GIT2: variants seen among roughly 807,000 people sequenced by gnomAD.
The protein encoded by GIT2 is GIT ArfGAP 2.
In GIT2, 32 loss-of-function variants were observed where a neutral mutation model predicts 100.3. That is an observed-to-expected ratio of 0.32 (90% CI 0.24 to 0.43). The LOEUF (loss-of-function observed/expected upper bound fraction) is 0.43, where lower values mean the gene tolerates loss of function less well. Among genes scored for constraint, GIT2 ranks in the 20% least tolerant of loss-of-function variants. The pLI, the probability that GIT2 is intolerant of heterozygous loss-of-function variation, is 1.00. For synonymous variants in GIT2, 353 were observed against 364.1 expected (o/e 0.97, Z 0.35); for missense variants, 737 against 975.1 (o/e 0.76, Z 3.25).
At chr12:109,992,303 C>A (rs1888564358) in intron 1 of GIT2, among the ~76,000 whole-genome samples, 2 of 151,052 alleles carry the variant, frequency 1.3e-5, no homozygotes, top group Non-Finnish European at 3.0e-5. Flanking sequence ...TGCACCACCA[C>A]GCCCGGCTAA....
intron 13 of GIT2, among the ~76,000 whole-genome samples, chr12:109,951,973 G>T (rs527372873): frequency 1.3e-5 from 2 of 152,242 alleles, no homozygotes; most frequent in East Asian, 3.9e-4. Flanking sequence ...CAGGTGTGTG[G>T]GATGGACTGG....
intron 16 of GIT2, chr12:109,939,672 A>AAAAACAAAT (rs1874026143): frequency 4.9e-5 from 7 of 141,904 alleles, no homozygotes; most frequent in South Asian, 2.2e-4. Context: ...GCAACATTTA[A>AAAAACAAAT]AAAATAAATA....
rs1410051641 is a variant in GIT2, at chr12:109,932,872, C to T, written c.*106G>A. ...AGTTTTCTTTTAAAAAGTTTTAAAC[C>T]GTCATTAAATGTTTCTTTTTGTAGA... On this transcript the variant is annotated 3_prime_UTR_variant, in exon 20 of 20. Coordinates refer to ENST00000355312, the MANE Select transcript of GIT2 (RefSeq NM_057169.5). 12 of 706,470 alleles carry T rather than the reference C, an allele frequency of 1.7e-5. No individual in the cohort carries two copies. The highest frequency in any genetic ancestry group is 2.4e-5 in the Admixed American group (1 of 41,516). 43.8% of individuals were successfully genotyped at this position (706,470 alleles called of 1,614,324 possible). A position where few individuals can be genotyped will look rare whatever the true frequency, so the allele number is the denominator to read the frequency against.
intron 1 of GIT2, among the ~76,000 whole-genome samples, chr12:109,993,645 T>C (rs1167710475): frequency 1.3e-5 from 2 of 152,224 alleles, no homozygotes; most frequent in Admixed American, 6.5e-5. Flanking sequence ...CATAGTAAAG[T>C]AGTAATGTTA....
intron 7 of GIT2, among the ~76,000 whole-genome samples, chr12:109,979,318 C>T (rs1885811902): frequency 7.0e-6 from 1 of 142,022 alleles, no homozygotes; most frequent in East Asian, 2.0e-4. Flanking sequence ...TTCTGTCACC[C>T]AGGCTGGAGT....
intron 16 of GIT2, among the ~76,000 whole-genome samples, chr12:109,941,836 T>G (rs1874822864): frequency 6.6e-6 from 1 of 151,846 alleles, no homozygotes; most frequent in South Asian, 2.1e-4. Context: ...TTTTTCTTTT[T>G]TTTTTTTGAG....
chr12:109,998,673 CAT>C (rs916563310), upstream of GIT2: 5 of 152,180 alleles, frequency 3.3e-5, no homozygotes, highest in African/African-American at 9.7e-5. Flanking sequence ...TTAAAAATGA[CAT>C]TCATACATGG....
At chr12:109,976,470 G>A (rs572791760) in intron 7 of GIT2, among the ~76,000 whole-genome samples, 2 of 151,582 alleles carry the variant, frequency 1.3e-5, no homozygotes, top group East Asian at 3.9e-4. Context: ...ATTTGTAGTA[G>A]AGACGGGGTT....
rs917261145 is a variant in GIT2, at chr12:109,947,561, A to G, written c.1393-57T>C. 36 of 1,514,852 alleles carry G rather than the reference A, an allele frequency of 2.4e-5. No homozygotes were observed. The African/African-American group carries it at 4.4e-4, about 19-fold the overall frequency. 93.8% of individuals were successfully genotyped at this position (1,514,852 alleles called of 1,614,324 possible). Reference sequence around the variant, plus strand: ...TTTTTTACAGCAAGCAGAAAAAGCAAACACCAAGTAAATGAATACAACTAC... The same window carrying G: ...TTTTTTACAGCAAGCAGAAAAAGCAGACACCAAGTAAATGAATACAACTAC... On this transcript the variant is annotated intron_variant, in intron 14 of 19. Coordinates refer to ENST00000355312, the MANE Select transcript of GIT2 (RefSeq NM_057169.5). The surrounding 1 kb of genome is among the most constrained non-coding windows in gnomAD (Gnocchi z 4.3).
At chr12:109,994,692 A>C (rs566176011) in intron 1 of GIT2, among the ~76,000 whole-genome samples, 2 of 152,338 alleles carry the variant, frequency 1.3e-5, no homozygotes, top group Admixed American at 6.5e-5. Flanking sequence ...TGGAGGAACA[A>C]TTTTGCTTTG....
At position 109,934,220 on chromosome 12, in the gene GIT2, C is replaced by T. The variant is rs572943123; in HGVS notation, c.2004-135G>A. On this transcript the variant is annotated intron_variant, in intron 18 of 19. Transcript: ENST00000355312. This position sits in a 1 kb window ranked among gnomAD's most constrained non-coding sequence, Gnocchi z 4.5. ...GGGCTGCAGTCAGCCGTGCATCCCA[C>T]ACCACCAGAGGGCACATGGTTATAA... The T allele has an allele frequency of 1.5e-6, 1 of 656,058 alleles. No individual in the cohort carries two copies. Among genetic ancestry groups the T allele is most frequent in the African/African-American group, 1.8e-5 (1 of 55,744 alleles). 40.6% of individuals were successfully genotyped at this position (656,058 alleles called of 1,614,324 possible). A position where few individuals can be genotyped will look rare whatever the true frequency, so the allele number is the denominator to read the frequency against.
Position 109,933,589 on chromosome 12 carries a change from G to A in GIT2, c.2068-399C>T. 2 of 210,630 alleles carry A rather than the reference G, an allele frequency of 9.5e-6. No homozygotes were observed. Among genetic ancestry groups the A allele is most frequent in the Non-Finnish European group, 1.9e-5 (2 of 104,232 alleles). The allele number at this position is 210,630 out of a possible 1,614,324, so 13.0% of individuals were successfully genotyped here. On this transcript the variant is annotated intron_variant, in intron 19 of 19. Transcript: ENST00000355312. This position sits in a 1 kb window ranked among gnomAD's most constrained non-coding sequence, Gnocchi z 4.5. The stretch of plus-strand genomic sequence containing the variant: ...AAATATTTCAAAGCTCTATACGACT[G>A]CATATTTTATTTTATTTTACTTTTT...
At chr12:109,959,779 T>G in intron 12 of GIT2, 68 bp downstream of exon 12, 1 of 914,198 alleles carries the variant, frequency 1.1e-6, no homozygotes, top group South Asian at 1.4e-5. Context: ...AATTAGTTTA[T>G]AACTTTAACA....
intron 12 of GIT2, among the ~76,000 whole-genome samples, chr12:109,956,481 A>T (rs909661732): frequency 6.6e-6 from 1 of 152,216 alleles, no homozygotes; most frequent in Non-Finnish European, 1.5e-5. Context: ...TCAGCTGGAA[A>T]CATGTGCTTT....
chr12:109,967,150 T>C (rs571645877), intron 8 of GIT2, among the ~76,000 whole-genome samples: 1 of 152,316 alleles, frequency 6.6e-6, no homozygotes, highest in African/African-American at 2.4e-5. Flanking sequence ...CTGTCATAGA[T>C]AATGTAATCT....
chr12:109,957,122 C>A (rs1879712814), intron 12 of GIT2, among the ~76,000 whole-genome samples: 1 of 152,110 alleles, frequency 6.6e-6, no homozygotes, highest in Admixed American at 6.5e-5. Flanking sequence ...GAAATGTGAT[C>A]CTCAGTGTTG....
upstream of GIT2, chr12:109,999,716 C>A (rs375741955): frequency 3.3e-5 from 51 of 1,539,588 alleles, no homozygotes; most frequent in Non-Finnish European, 4.0e-5. This position sits in a 1 kb window ranked among gnomAD's most constrained non-coding sequence, Gnocchi z 4.3. Flanking sequence ...CGCGGGCGAC[C>A]ACTACCCCCT....
Position 109,947,306 on chromosome 12 carries a change from C to T in GIT2, c.1591G>A (p.Ala531Thr), listed in dbSNP as rs747426594. The T allele has an allele frequency of 4.7e-5, 76 of 1,614,052 alleles. No homozygotes were observed. In the Admixed American group the frequency reaches 1.2e-3, roughly 27 times the overall value. The change falls in exon 15 of 20, where the codon GCG becomes ACG. Residue 531 changes from alanine to threonine, a missense_variant. By Grantham distance (58) the Ala-to-Thr change is moderately conservative. This residue lies in a region of GIT2 where 451 missense variants were observed against 543.7 expected (regional missense o/e 0.83). Transcript: ENST00000355312. This position sits in a 1 kb window ranked among gnomAD's most constrained non-coding sequence, Gnocchi z 4.3. ...ATCCTGCTCTCTTCGGGGCGGCTCG[C>T]TTCTCCCATTGGGAGATATGGTTTC... is the stretch of plus-strand genomic sequence containing the variant. ...GQKPYLPMGE[A>T]SRPEESRMRL... is the part of the protein sequence containing the mutation.
At chr12:109,992,253 T>C (rs561046031) in intron 1 of GIT2, among the ~76,000 whole-genome samples, 1 of 149,536 alleles carries the variant, frequency 6.7e-6, no homozygotes, top group South Asian at 2.1e-4. Context: ...TTCAAGCAAT[T>C]CTCCTGCTTC....
Sources: gnomAD v4.1 joint callset for allele counts (sites outside exome capture counted in the v4.1 genomes callset) on GRCh38, gnomAD v4.1.1 for gene constraint, gnomAD v4.1.1 regional missense constraint, Gnocchi (gnomAD v3.1) non-coding constraint, MANE v1.5 for transcripts, NCBI Gene and HGNC (gene_info 2026-07-23, HGNC 2026-07-21) for gene names.